Variants in PLXNA4 observed in about 807,000 individuals in gnomAD.
The protein encoded by PLXNA4 is plexin A4, also known as plexin-A4.
A neutral mutation model predicts 191.8 loss-of-function variants in PLXNA4; 44 were observed. That is an observed-to-expected ratio of 0.23 (90% CI 0.18 to 0.29). PLXNA4 has a LOEUF of 0.29. PLXNA4 is among the 10% of genes least tolerant of loss of function. The pLI is 1.00. For synonymous variants in PLXNA4, 1,082 were observed against 1,009.5 expected, an observed-to-expected ratio of 1.07 and a Z score of -1.36; for missense variants, 1,800 against 2,488.8, an observed-to-expected ratio of 0.72 and a Z score of 5.89.
chr7:132,320,691 A>G (rs1254431271), intron 3 of PLXNA4, among the ~76,000 whole-genome samples: 1 of 152,086 alleles, frequency 6.6e-6, no homozygotes, highest in Non-Finnish European at 1.5e-5. Context: ...TGGATGCCAT[A>G]TTGGAAGAGG....
At chr7:132,615,548 C>T (rs1803136591) in intron 2 of PLXNA4, among the ~76,000 whole-genome samples, 1 of 152,204 alleles carries the variant, frequency 6.6e-6, no homozygotes, top group Admixed American at 6.5e-5. Flanking sequence ...CTGGTGTCCA[C>T]TTCGGGATCT....
intron 3 of PLXNA4, among the ~76,000 whole-genome samples, chr7:132,424,702 G>A (rs762969292): frequency 6.6e-6 from 1 of 152,182 alleles, no homozygotes; most frequent in African/African-American, 2.4e-5. Flanking sequence ...TCACATAAAT[G>A]TTTGGGGTGA....
chr7:132,223,920 T>C (rs1009746989), intron 8 of PLXNA4, among the ~76,000 whole-genome samples: 1 of 151,978 alleles, frequency 6.6e-6, no homozygotes, highest in Non-Finnish European at 1.5e-5. Flanking sequence ...ACATCCTCCT[T>C]TTCAAAAGAG....
chr7:132,311,188 G>GTGTGTGTGTGTGTGTGTGTGTGTT (rs1387461691), intron 3 of PLXNA4, among the ~76,000 whole-genome samples: 22 of 136,532 alleles, frequency 1.6e-4, no homozygotes, highest in African/African-American at 6.1e-4. Flanking sequence ...GTGTGTGTGT[G>GTGTGTGTGTGTGTGTGTGTGTGTT]TGTGTGCGCG....
At chr7:132,462,598 A>T (rs946654429) in intron 3 of PLXNA4, among the ~76,000 whole-genome samples, 4 of 151,088 alleles carry the variant, frequency 2.6e-5, no homozygotes, top group African/African-American at 4.9e-5. Context: ...TCTTTTATTT[A>T]AAAAAAAATA....
intron 3 of PLXNA4, among the ~76,000 whole-genome samples, chr7:132,350,071 C>G (rs572648631): frequency 2.6e-4 from 39 of 152,278 alleles, no homozygotes; most frequent in Non-Finnish European, 5.9e-5. Flanking sequence ...TCCCAACCTC[C>G]TGTTCACAAA....
chr7:132,185,276 G>A (rs755539070), intron 16 of PLXNA4, 23 bp downstream of exon 16: 1 of 1,598,560 alleles, frequency 6.3e-7, no homozygotes, highest in East Asian at 2.2e-5. Context: ...GAAGCATTAA[G>A]GTCCGCTTGG....
intron 2 of PLXNA4, among the ~76,000 whole-genome samples, chr7:132,583,046 A>C (rs1802435195): frequency 6.6e-6 from 1 of 152,180 alleles, no homozygotes. Context: ...CCACAAACAG[A>C]ATACTGAAAT....
At chr7:132,388,869 G>A (rs1339685134) in intron 3 of PLXNA4, among the ~76,000 whole-genome samples, 1 of 152,306 alleles carries the variant, frequency 6.6e-6, no homozygotes, top group East Asian at 1.9e-4. Flanking sequence ...ATTCCTCAAA[G>A]CAGGGCTTCT....
At chr7:132,482,395 C>A (rs1178192877) in intron 3 of PLXNA4, among the ~76,000 whole-genome samples, 1 of 152,174 alleles carries the variant, frequency 6.6e-6, no homozygotes, top group Non-Finnish European at 1.5e-5. Flanking sequence ...ATGTAGGGAT[C>A]TCTCAAGTGA....
intron 3 of PLXNA4, among the ~76,000 whole-genome samples, chr7:132,378,096 C>T (rs940352007): frequency 6.6e-6 from 1 of 152,102 alleles, no homozygotes; most frequent in African/African-American, 2.4e-5. Context: ...CTGGTGAAAC[C>T]ATCTATGCTA....
chr7:132,485,172 G>A (rs1797503998), intron 3 of PLXNA4, among the ~76,000 whole-genome samples: 1 of 152,150 alleles, frequency 6.6e-6, no homozygotes, highest in Non-Finnish European at 1.5e-5. Context: ...TATTCAGAGA[G>A]GCTGGTATGG....
At chr7:132,230,280 A>G (rs1798480919) in intron 5 of PLXNA4, among the ~76,000 whole-genome samples, 1 of 152,148 alleles carries the variant, frequency 6.6e-6, no homozygotes, top group African/African-American at 2.4e-5. Context: ...AAGCTTCCAG[A>G]CTGAGGAGTA....
chr7:132,312,658 C>T (rs1348587752), intron 3 of PLXNA4, among the ~76,000 whole-genome samples: 1 of 152,150 alleles, frequency 6.6e-6, no homozygotes, highest in African/African-American at 2.4e-5. Flanking sequence ...TTCCAGAGGC[C>T]ATTAACAAGG....
chr7:132,341,507 C>G (rs1198305410), intron 3 of PLXNA4, among the ~76,000 whole-genome samples: 39 of 152,272 alleles, frequency 2.6e-4, no homozygotes, highest in Non-Finnish European at 7.4e-5. Context: ...CCAGAATGGC[C>G]CCAACCAATG....
At chr7:132,458,247 A>G (rs770038555) in intron 3 of PLXNA4, among the ~76,000 whole-genome samples, 8 of 151,988 alleles carry the variant, frequency 5.3e-5, no homozygotes, top group Non-Finnish European at 1.2e-4. Flanking sequence ...ATTATCTAGT[A>G]TATGCTTGGC....
chr7:132,428,211 C>T (rs1056298219), intron 3 of PLXNA4, among the ~76,000 whole-genome samples: 14 of 152,104 alleles, frequency 9.2e-5, no homozygotes, highest in African/African-American at 3.4e-4. Flanking sequence ...CAGGAGGGTC[C>T]CTTTCCTGGG....
chr7:132,643,616 T>C (rs1366363697), intron 2 of PLXNA4, among the ~76,000 whole-genome samples: 1 of 152,166 alleles, frequency 6.6e-6, no homozygotes, highest in Admixed American at 6.6e-5. Flanking sequence ...AATCCACCAG[T>C]AAGTTGTGAA....
intron 4 of PLXNA4, among the ~76,000 whole-genome samples, chr7:132,268,125 G>A (rs1434170902): frequency 1.3e-5 from 2 of 152,196 alleles, no homozygotes; most frequent in East Asian, 3.8e-4. Flanking sequence ...GCAATCGACT[G>A]GGAGGGTTAT....
Sources: gnomAD v4.1 joint callset for allele counts (sites outside exome capture counted in the v4.1 genomes callset) on GRCh38, gnomAD v4.1.1 for gene constraint, MANE v1.5 for transcripts, NCBI Gene and HGNC (gene_info 2026-07-23, HGNC 2026-07-21) for gene names.